Variants in RPH3A observed in about 807,000 individuals in gnomAD.
The protein encoded by RPH3A is rabphilin 3A, also known as rabphilin-3A.
Under a neutral mutation model 102.2 loss-of-function variants are expected in RPH3A, and 48 were observed. The observed-to-expected ratio is 0.47, with a 90% CI of 0.37 to 0.60. The LOEUF (loss-of-function observed/expected upper bound fraction) is 0.60. Ranked by LOEUF, RPH3A falls within the 20% of genes least tolerant of loss-of-function variation. The pLI is 0.00. For missense variants in RPH3A, 781 were observed against 910.1 expected, an observed-to-expected ratio of 0.86 and a Z score of 1.83; for synonymous variants, 310 against 324.3, an observed-to-expected ratio of 0.96 and a Z score of 0.47.
At chr12:112,597,604 T>C (rs1465036496) in intron 1 of RPH3A, among the ~76,000 whole-genome samples, 2 of 152,106 alleles carry the variant, frequency 1.3e-5, no homozygotes, top group Non-Finnish European at 1.5e-5. Flanking sequence ...ACAAAAATTC[T>C]GTTAAAAGAA....
intron 1 of RPH3A, among the ~76,000 whole-genome samples, chr12:112,610,998 A>G (rs1050213321): frequency 6.6e-6 from 1 of 152,172 alleles, no homozygotes; most frequent in Non-Finnish European, 1.5e-5. Flanking sequence ...TTTGAATGTA[A>G]ATTCTTTGAG....
intron 2 of RPH3A, among the ~76,000 whole-genome samples, chr12:112,795,555 C>T (rs987967963): frequency 4.6e-5 from 7 of 151,968 alleles, no homozygotes; most frequent in South Asian, 2.1e-4. Flanking sequence ...GCTCTGGGGG[C>T]GGTCAGATCT....
At chr12:112,728,894 T>A (rs1162015455) in intron 1 of RPH3A, among the ~76,000 whole-genome samples, 1 of 152,176 alleles carries the variant, frequency 6.6e-6, no homozygotes, top group East Asian at 1.9e-4. Flanking sequence ...TATTCATGTC[T>A]TTTCTGGGAA....
At chr12:112,727,401 A>AT (rs1409190677) in intron 1 of RPH3A, among the ~76,000 whole-genome samples, 8 of 145,056 alleles carry the variant, frequency 5.5e-5, no homozygotes, top group South Asian at 4.4e-4. Flanking sequence ...AAAAAAAAAA[A>AT]AAAAAATATA....
intron 1 of RPH3A, among the ~76,000 whole-genome samples, chr12:112,691,546 C>T (rs2040307443): frequency 6.6e-6 from 1 of 152,172 alleles, no homozygotes; most frequent in Non-Finnish European, 1.5e-5. Flanking sequence ...TCCCTTAGTG[C>T]CATTAATTTT....
chr12:112,645,467 T>G (rs1005271559), intron 1 of RPH3A, among the ~76,000 whole-genome samples: 1 of 152,252 alleles, frequency 6.6e-6, no homozygotes, highest in African/African-American at 2.4e-5. Flanking sequence ...CTCTGAAATG[T>G]GTGCTTGAAC....
At chr12:112,786,883 C>G (rs1367835255), upstream of RPH3A, among the ~76,000 whole-genome samples, 1 of 152,154 alleles carries the variant, frequency 6.6e-6, no homozygotes, top group African/African-American at 2.4e-5. Flanking sequence ...GTCAGAATTC[C>G]TTTAACCAAG....
chr12:112,631,247 G>T (rs1054012971), intron 1 of RPH3A, among the ~76,000 whole-genome samples: 4 of 152,072 alleles, frequency 2.6e-5, no homozygotes, highest in Non-Finnish European at 5.9e-5. Context: ...AAGCACTATT[G>T]AGCAAGGTAG....
At chr12:112,867,629 G>A (rs2042634189) in intron 7 of RPH3A, among the ~76,000 whole-genome samples, 1 of 152,218 alleles carries the variant, frequency 6.6e-6, no homozygotes. Flanking sequence ...AGGCTGAAGA[G>A]ATAGAGGAGG....
rs781299086 is a variant in RPH3A, at chr12:112,887,893, T to C, written c.1533T>C (p.Asn511=). The C allele has an allele frequency of 1.2e-6, 2 of 1,613,876 alleles. No homozygotes were observed. The highest frequency in any genetic ancestry group is 3.3e-5 in the Admixed American group (2 of 60,016). Residue 511 remains asparagine (N), a synonymous_variant, in exon 17 of 22, where the codon AAT becomes AAC. Transcript: ENST00000389385. Reference sequence around the variant, plus strand: ...AACTGAAGCCCAACCAGAGGAAGAATTTCAACATCTGCCTGGAGCGAGTGA... The same window carrying C: ...AACTGAAGCCCAACCAGAGGAAGAACTTCAACATCTGCCTGGAGCGAGTGA... ...LKKLKPNQRK[N]FNICLERVIP...
At position 112,606,701 on chromosome 12, in the gene RPH3A, T is replaced by C. The variant is rs142340631; in HGVS notation, c.-140+31382T>C. Among the ~76,000 whole-genome samples the C allele has an allele frequency of 3.9e-3, 590 of 152,212 alleles. 5 individuals are homozygous for C. Among genetic ancestry groups the C allele is most frequent in the African/African-American group, 0.014 (571 of 41,538 alleles). The stretch of plus-strand genomic sequence containing the variant: ...GGAGGGCTCAGGAAACTTACAATCA[T>C]GGTGGAAGGTGAAGGGGAAGCAGCA... On this transcript the variant is annotated intron_variant, in intron 1 of 21. Transcript: ENST00000543106.
chr12:112,700,416 C>T (rs1679382443), intron 1 of RPH3A, among the ~76,000 whole-genome samples: 1 of 152,186 alleles, frequency 6.6e-6, no homozygotes. Context: ...ACTAGCCATA[C>T]AGCCACCCAC....
Position 112,853,581 on chromosome 12 carries a change from C to A in RPH3A, c.230+5739C>A, listed in dbSNP as rs911735968. 3.9e-5 allele frequency among the ~76,000 whole-genome samples: 6 copies of A among 152,152 alleles called. No homozygotes were observed. In the South Asian group the frequency reaches 1.0e-3, roughly 26 times the overall value. On this transcript the variant is annotated intron_variant, in intron 5 of 21. Coordinates refer to ENST00000389385, the MANE Select transcript of RPH3A (RefSeq NM_001143854.2). ...TAGTGGCTCATGCCTGTAATCCCAGCACTTTGGGAGGCCGAGGCGGGTGGA... is the reference window on the plus strand; with the variant it reads ...TAGTGGCTCATGCCTGTAATCCCAGAACTTTGGGAGGCCGAGGCGGGTGGA...
At chr12:112,739,875 T>C (rs1464942566) in intron 1 of RPH3A, among the ~76,000 whole-genome samples, 1 of 152,138 alleles carries the variant, frequency 6.6e-6, no homozygotes, top group Non-Finnish European at 1.5e-5. Flanking sequence ...TGTTGACTCT[T>C]CCAAGTTTCC....
rs532750416 is a variant in RPH3A at position 112,621,478 on chromosome 12, C to T, written c.-140+46159C>T. ...ACCTGGAAAATCGGGTCACTCCCAC[C>T]CGAATATTGCGCTTTTCAGACCGGC... On this transcript the variant is annotated intron_variant, in intron 1 of 21. Coordinates refer to the RPH3A transcript ENST00000543106. Among the ~76,000 whole-genome samples the T allele has an allele frequency of 1.4e-3, 200 of 147,786 alleles. 3 individuals are homozygous for T. In the Middle Eastern group the frequency reaches 0.014, roughly 10 times the overall value.
intron 2 of RPH3A, among the ~76,000 whole-genome samples, chr12:112,826,291 T>C (rs192674166): frequency 6.6e-6 from 1 of 151,970 alleles, no homozygotes; most frequent in East Asian, 1.9e-4. Context: ...CCTTTGGGGC[T>C]GGGAAAGAGG....
rs1278968745 is a variant in RPH3A at position 112,626,534 on chromosome 12, G to T, written c.-140+51215G>T. Among the ~76,000 whole-genome samples the T allele has an allele frequency of 3.5e-3, 493 of 140,672 alleles. 7 individuals are homozygous for T. The highest frequency in any genetic ancestry group is 0.013 in the African/African-American group (473 of 37,722). The allele number at this position is 140,672 out of a possible 152,430, so 92.3% of individuals were successfully genotyped here. On this transcript the variant is annotated intron_variant, in intron 1 of 21. Transcript: ENST00000543106. ...ATATCATCTCACACCAGTTAGAATG[G>T]CAATCATTAAAAAGTCAGGAAACAA... is the stretch of plus-strand genomic sequence containing the variant.
At chr12:112,894,760 T>C (rs984878534) in intron 20 of RPH3A, 101 bp downstream of exon 20, 4 of 896,922 alleles carry the variant, frequency 4.5e-6, no homozygotes, top group Non-Finnish European at 3.4e-6. Flanking sequence ...ACATAGCCAT[T>C]AAATGCAGCC....
intron 2 of RPH3A, chr12:112,813,501 C>A (rs1335561755): frequency 6.6e-6 from 1 of 152,234 alleles, no homozygotes; most frequent in African/African-American, 2.4e-5. Flanking sequence ...TTCACTGTTT[C>A]TGAAGTGGCC....
Sources: gnomAD v4.1 joint callset for allele counts (sites outside exome capture counted in the v4.1 genomes callset) on GRCh38, gnomAD v4.1.1 for gene constraint, MANE v1.5 for transcripts, NCBI Gene and HGNC (gene_info 2026-07-23, HGNC 2026-07-21) for gene names.